Variants in CCAR2 observed in about 807,000 individuals in gnomAD.
CCAR2 encodes the protein cell cycle and apoptosis regulator 2, also known as cell cycle and apoptosis regulator protein 2.
In CCAR2, 21 loss-of-function variants were observed where a neutral mutation model predicts 108.1. The observed-to-expected ratio is 0.19, with a 90% confidence interval of 0.14 to 0.28. The LOEUF (loss-of-function observed/expected upper bound fraction) is 0.28. Among genes scored for constraint, CCAR2 ranks in the 10% least tolerant of loss-of-function variants. The pLI, the probability that CCAR2 is intolerant of heterozygous loss-of-function variation, is 1.00. For synonymous variants in CCAR2, 577 were observed against 472.8 expected (o/e 1.22, Z -2.86); for missense variants, 1,126 against 1,177.0 (o/e 0.96, Z 0.63).
downstream of CCAR2, chr8:22,621,316 A>T: frequency 7.0e-7 from 1 of 1,419,292 alleles, no homozygotes; most frequent in Non-Finnish European, 9.4e-7. Flanking sequence ...CAAGTGAACC[A>T]GGGCCACCTC....
In CCAR2 at chr8:22,607,922, G is replaced by A. The variant is rs751527317; in HGVS notation, c.488-47G>A. On this transcript the variant is annotated intron_variant, in intron 6 of 20. Coordinates refer to ENST00000308511, the MANE Select transcript of CCAR2 (RefSeq NM_001393997.1). ...ATTACAGGTGTGAGCTATTGCACCCGGCCGGTTTTTAGGGTTTTTGAGTCA... is the reference window on the plus strand; with the variant it reads ...ATTACAGGTGTGAGCTATTGCACCCAGCCGGTTTTTAGGGTTTTTGAGTCA... The A allele has an allele frequency of 9.1e-6, 14 of 1,538,926 alleles. No homozygotes were observed. The Admixed American group carries it at 1.3e-4, about 15-fold the overall frequency.
chr8:22,619,941 A>G lies in CCAR2; in HGVS notation c.*259A>G. ...ACCCCTAGAATGTCATTTTGCCCTC[A>G]ACCTTGGTATTTCTCCTGGGGCCCT... On this transcript the variant is annotated 3_prime_UTR_variant, in exon 21 of 21. Transcript: ENST00000308511. The G allele has an allele frequency of 1.9e-6, 1 of 532,162 alleles. No homozygotes were observed. Among genetic ancestry groups the G allele is most frequent in the Non-Finnish European group, 3.4e-6 (1 of 294,990 alleles). The allele number at this position is 532,162 out of a possible 1,614,324, so 33.0% of individuals were successfully genotyped here.
In CCAR2 at chr8:22,615,814, C is replaced by G. The variant is rs150000557; in HGVS notation, c.1510C>G (p.Pro504Ala). The G allele has an allele frequency of 1.1e-5, 17 of 1,614,004 alleles. No individual in the cohort carries two copies. The highest frequency in any genetic ancestry group is 1.3e-5 in the Non-Finnish European group (15 of 1,180,036). The change falls in exon 13 of 21, where the codon CCC (proline) becomes GCC (alanine). Residue 504 changes from proline to alanine, a missense_variant. By Grantham distance (27) the Pro-to-Ala change is conservative. This residue lies in a region of CCAR2 where 1,013 missense variants were observed against 993.9 expected (regional missense o/e 1.02). Coordinates refer to ENST00000308511, the MANE Select transcript of CCAR2 (RefSeq NM_001393997.1). Reference protein sequence around the residue: ...DTDLPEAPPPPLEPAVIARPG... With the variant: ...DTDLPEAPPPALEPAVIARPG... ...TGATCTCCCAGAGGCCCCTCCACCC[C>G]CCCTAGAACCTGCTGTCATCGCACG... is the stretch of plus-strand genomic sequence containing the variant.
chr8:22,619,580 G>A (rs868541961), intron 20 of CCAR2, 58 bp from the exon 21 acceptor site: 50 of 1,532,078 alleles, frequency 3.3e-5, no homozygotes, highest in Admixed American at 3.9e-5. Flanking sequence ...TCCGCAGTCC[G>A]CAGTCCTCAG....
At chr8:22,613,510 A>G (rs1204453798) in intron 8 of CCAR2, among the ~76,000 whole-genome samples, 1 of 152,176 alleles carries the variant, frequency 6.6e-6, no homozygotes, top group African/African-American at 2.4e-5. Context: ...ATCAATTTCT[A>G]GAAATGGAGC....
intron 15 of CCAR2, 33 bp downstream of exon 15, chr8:22,617,597 C>A: frequency 6.2e-7 from 1 of 1,608,024 alleles, no homozygotes; most frequent in Non-Finnish European, 8.5e-7. Context: ...AGCTTGCAGG[C>A]TTGGGATGTG....
At position 22,619,674 on chromosome 8, in the gene CCAR2, A is replaced by G. The variant is rs1223073899; in HGVS notation, c.2764A>G (p.Ser922Gly). 22 of 1,573,832 alleles carry G rather than the reference A, an allele frequency of 1.4e-5. No individual in the cohort carries two copies. The highest frequency in any genetic ancestry group is 1.8e-5 in the Non-Finnish European group (21 of 1,159,244). The change falls in exon 21 of 21, where the codon AGC becomes GGC. Residue 922 changes from serine (S) to glycine (G), a missense_variant. Ser to Gly is a moderately conservative substitution (Grantham distance 56). Around this residue, in one of 4 missense-constraint regions of CCAR2, gnomAD observed 1,013 missense variants for 993.9 expected, o/e 1.02. Coordinates refer to ENST00000308511, the MANE Select transcript of CCAR2 (RefSeq NM_001393997.1). ...SWVEKEEPAP[S>G]N ...GGTGGAGAAGGAGGAGCCGGCACCT[A>G]GCAACTGACGGCCTCGCACGGAACT...
rs200399370 is a variant in CCAR2 at position 22,607,035 on chromosome 8, C to T, written c.357+11C>T. Reference sequence around the variant, plus strand: ...ACGCTCTCCAACCAGGTATTCATATCTCCTTAGCATGTGCATTGGAAAGGG... The same window carrying T: ...ACGCTCTCCAACCAGGTATTCATATTTCCTTAGCATGTGCATTGGAAAGGG... On this transcript the variant is annotated intron_variant, in intron 5 of 20. Transcript: ENST00000308511. 1,558 of 1,613,322 alleles carry T rather than the reference C, an allele frequency of 9.7e-4. 1 individual carries two copies. The highest frequency in any genetic ancestry group is 2.5e-3 in the South Asian group (224 of 90,976).
Position 22,614,170 on chromosome 8 carries a change from G to C in CCAR2, c.783G>C (p.Leu261=), listed in dbSNP as rs776997162. The part of the protein sequence containing the change: ...LVPSDFLSVH[L]SWLSAFPLSQ... ...CCTCAGATTTTCTGTCCGTGCATCT[G>C]AGTTGGCTATCAGCCTTCCCCCTGA... Residue 261 remains leucine (L), a synonymous_variant, in exon 9 of 21, where the codon CTG becomes CTC. Coordinates refer to ENST00000308511, the MANE Select transcript of CCAR2 (RefSeq NM_001393997.1). 1.2e-6 allele frequency: 2 copies of C among 1,614,116 alleles called. No individual in the cohort carries two copies. The highest frequency in any genetic ancestry group is 1.7e-6 in the Non-Finnish European group (2 of 1,180,050).
intron 3 of CCAR2, among the ~76,000 whole-genome samples, 191 bp downstream of exon 3, chr8:22,606,367 C>T (rs1414062613): frequency 2.6e-5 from 4 of 152,316 alleles, no homozygotes; most frequent in Non-Finnish European, 5.9e-5. Context: ...AAATCTTTAG[C>T]TTACGTCTTG....
chr8:22,605,672 CT>C, intron 1 of CCAR2, 63 bp from the exon 2 acceptor site: 2 of 984,662 alleles, frequency 2.0e-6, no homozygotes, highest in Non-Finnish European at 3.1e-6. Flanking sequence ...AGATTCTCCA[CT>C]TTTCCGGGTA....
rs1801731242 is a variant in CCAR2, at chr8:22,620,366, G to GCCT, written c.*686_*688dup. 1 of 151,124 alleles carries GCCT rather than the reference G, an allele frequency of 6.6e-6. No individual in the cohort carries two copies. The highest frequency in any genetic ancestry group is 1.5e-5 in the Non-Finnish European group (1 of 67,894). The allele number at this position is 151,124 out of a possible 1,614,324, so 9.4% of individuals were successfully genotyped here. On this transcript the variant is annotated 3_prime_UTR_variant, in exon 21 of 21. Transcript: ENST00000308511. ...TTCTCCCCTGTTACCCATAATTCTT[G>GCCT]CCTCTTTCCATAATCCGTGGTTTCA...
rs1293462027 is a variant in CCAR2, at chr8:22,617,406, G to A, written c.1846-14G>A. The stretch of plus-strand genomic sequence containing the variant: ...TGCCTGCCTTTTCCTTATAACCTTT[G>A]TCTGCCTCTGTAGAAGGAGGATGGG... On this transcript the variant is annotated splice_polypyrimidine_tract_variant and intron_variant, in intron 14 of 20. Transcript: ENST00000308511. The A allele has an allele frequency of 1.3e-6, 2 of 1,526,494 alleles. No individual in the cohort carries two copies. Among genetic ancestry groups the A allele is most frequent in the Middle Eastern group, 3.5e-4 (2 of 5,644 alleles). The allele number at this position is 1,526,494 out of a possible 1,614,324, so 94.6% of individuals were successfully genotyped here. A position where few individuals can be genotyped will look rare whatever the true frequency, so the allele number is the denominator to read the frequency against.
chr8:22,605,680 G>A (rs1801045440), intron 1 of CCAR2, 56 bp from the exon 2 acceptor site: 9 of 1,042,010 alleles, frequency 8.6e-6, no homozygotes, highest in Non-Finnish European at 1.3e-5. Context: ...CACTTTTCCG[G>A]GTATAGATGG....
intron 4 of CCAR2, 63 bp from the exon 5 acceptor site, chr8:22,606,847 C>A: frequency 6.5e-7 from 1 of 1,544,232 alleles, no homozygotes; most frequent in Non-Finnish European, 8.9e-7. Flanking sequence ...CTCATAGGGG[C>A]AGTCAGGGTG....
At chr8:22,613,265 G>A (rs1231605262) in intron 8 of CCAR2, 129 bp downstream of exon 8, 1 of 1,011,872 alleles carries the variant, frequency 9.9e-7, no homozygotes, top group Non-Finnish European at 1.3e-6. Context: ...AAAGCACATG[G>A]AAACCTGTTG....
Position 22,615,830 on chromosome 8 carries a change from T to C in CCAR2, c.1526T>C (p.Val509Ala). The change falls in exon 13 of 21, where the codon GTC becomes GCC. Residue 509 changes from valine to alanine, a missense_variant. By Grantham distance (64) the Val-to-Ala change is moderately conservative. Coordinates refer to ENST00000308511, the MANE Select transcript of CCAR2 (RefSeq NM_001393997.1). Reference sequence around the variant, plus strand: ...CCTCCACCCCCCCTAGAACCTGCTGTCATCGCACGCCCTGGCTGTGTAAAC... The same window carrying C: ...CCTCCACCCCCCCTAGAACCTGCTGCCATCGCACGCCCTGGCTGTGTAAAC... ...EAPPPPLEPA[V>A]IARPGCVNLS... The C allele has an allele frequency of 6.2e-7, 1 of 1,613,970 alleles. No individual in the cohort carries two copies. Among genetic ancestry groups the C allele is most frequent in the Non-Finnish European group, 8.5e-7 (1 of 1,180,024 alleles).
At position 22,617,380 on chromosome 8, in the gene CCAR2, C is replaced by A. The variant is rs376236210; in HGVS notation, c.1846-40C>A. The A allele has an allele frequency of 2.6e-6, 4 of 1,516,740 alleles. No homozygotes were observed. The East Asian group carries it at 9.1e-5, about 34-fold the overall frequency. 94.0% of individuals were successfully genotyped at this position (1,516,740 alleles called of 1,614,324 possible). A position where few individuals can be genotyped will look rare whatever the true frequency, so the allele number is the denominator to read the frequency against. On this transcript the variant is annotated intron_variant, in intron 14 of 20. Transcript: ENST00000308511. ...TGCTTACTATTGGTAATTATGGTAA[C>A]TGCCTGCCTTTTCCTTATAACCTTT...
chr8:22,613,214 A>G, intron 8 of CCAR2, 78 bp downstream of exon 8: 1 of 1,395,002 alleles, frequency 7.2e-7, no homozygotes. Flanking sequence ...CGTCTATGCA[A>G]GTGCACATGT....
Sources: gnomAD v4.1 joint callset for allele counts (sites outside exome capture counted in the v4.1 genomes callset) on GRCh38, gnomAD v4.1.1 for gene constraint, gnomAD v4.1.1 regional missense constraint, MANE v1.5 for transcripts, NCBI Gene and HGNC (gene_info 2026-07-23, HGNC 2026-07-21) for gene names.